The following FXYD3 variants were observed in gnomAD, a reference collection of about 807,000 sequenced individuals.
FXYD3 encodes the protein FXYD domain-containing ion transport regulator 3.
Under a neutral mutation model 19.2 loss-of-function variants are expected in FXYD3, and 13 were observed. The ratio of observed to expected loss-of-function variants is 0.68; its 90% CI spans 0.44 to 1.08. FXYD3 has a LOEUF of 1.08. FXYD3 is among the 50% of genes least tolerant of loss of function. FXYD3 has a pLI of 0.00. For synonymous variants in FXYD3, 48 were observed against 38.9 expected (o/e 1.23, Z -0.87); for missense variants, 101 against 109.4 (o/e 0.92, Z 0.34).
At position 35,123,468 on chromosome 19, in the gene FXYD3, C is replaced by G. The variant is rs370549538; in HGVS notation, c.*11C>G. 3 of 1,613,862 alleles carry G rather than the reference C, an allele frequency of 1.9e-6. No homozygotes were observed. Among genetic ancestry groups the G allele is most frequent in the African/African-American group, 2.7e-5 (2 of 74,900 alleles). On this transcript the variant is annotated 3_prime_UTR_variant, in exon 9 of 9. Transcript: ENST00000604404. ...TCAGCCCAAAGCTGATGAGGACAGA[C>G]CAGCTGAAATTGGGTGGAGGACCGT... is the stretch of plus-strand genomic sequence containing the variant.
chr19:35,121,699 T>A, intron 5 of FXYD3: 1 of 265,878 alleles, frequency 3.8e-6, no homozygotes, highest in Non-Finnish European at 6.4e-6. Context: ...GCCTCAGACC[T>A]CTGCACCTGC....
intron 3 of FXYD3, 100 bp from the exon 4 acceptor site, chr19:35,120,978 A>G: frequency 7.8e-7 from 1 of 1,276,454 alleles, no homozygotes; most frequent in Non-Finnish European, 1.1e-6. Flanking sequence ...GTCCCGCAGG[A>G]GACCCTTTCC....
intron 8 of FXYD3, 48 bp downstream of exon 8, chr19:35,123,356 G>A: frequency 1.9e-6 from 3 of 1,610,900 alleles, no homozygotes; most frequent in Non-Finnish European, 2.5e-6. Context: ...AGTGGTGTGT[G>A]TGTGTGTGTG....
Position 35,123,431 on chromosome 19 carries a change from C to T in FXYD3, c.248-10C>T. ...CCACCCTCACAAACGGACCCCATCA[C>T]TTCCCGCAGGCTCAGCCCAAAGCTG... On this transcript the variant is annotated splice_polypyrimidine_tract_variant and intron_variant, in intron 8 of 8. Coordinates refer to ENST00000604404, the MANE Select transcript of FXYD3 (RefSeq NM_005971.4). The T allele has an allele frequency of 1.2e-6, 2 of 1,614,022 alleles. No individual in the cohort carries two copies. The highest frequency in any genetic ancestry group is 8.5e-7 in the Non-Finnish European group (1 of 1,179,952).
intron 3 of FXYD3, chr19:35,119,657 T>G (rs1056907398): frequency 2.2e-6 from 1 of 463,744 alleles, no homozygotes; most frequent in Non-Finnish European, 3.7e-6. Flanking sequence ...TTTTTTGGCT[T>G]TTTTTGTTTT....
At chr19:35,123,356 GTGTGTGTGTGTA>G in intron 8 of FXYD3, 48 bp downstream of exon 8, 1 of 1,610,898 alleles carries the variant, frequency 6.2e-7, no homozygotes, top group South Asian at 1.1e-5. Context: ...AGTGGTGTGT[GTGTGTGTGTGTA>G]TGTGTGTGTT....
chr19:35,122,723 G>A (rs904974930), intron 5 of FXYD3, 42 bp from the exon 6 acceptor site: 6 of 1,500,344 alleles, frequency 4.0e-6, no homozygotes, highest in Admixed American at 3.3e-5. Flanking sequence ...CAGATGGAGA[G>A]GACACAGGCT....
rs777406204 is a variant in FXYD3, at chr19:35,121,095, G to A, written c.58G>A (p.Ala20Thr). Residue 20 changes from alanine (A) to threonine (T), a missense_variant, in exon 4 of 9, where the codon GCC becomes ACC. By Grantham distance (58) the Ala-to-Thr change is moderately conservative (BLOSUM62 0). Transcript: ENST00000604404. ...VFLAGFPVLDANDLEDKNSPF... is the reference protein window; with the variant it reads ...VFLAGFPVLDTNDLEDKNSPF... ...CCCACTAGGCTTTCCTGTCCTGGAC[G>A]CCAATGACCTAGAAGGTGAGTCAGA... is the stretch of plus-strand genomic sequence containing the variant. 33 of 1,612,916 alleles carry A rather than the reference G, an allele frequency of 2.0e-5. No homozygotes were observed. Among genetic ancestry groups the A allele is most frequent in the Admixed American group, 1.0e-4 (6 of 60,002 alleles).
rs1436755487 is a variant in FXYD3, at chr19:35,123,622, T to A, written c.*165T>A. The A allele has an allele frequency of 7.3e-6, 5 of 682,998 alleles. No individual in the cohort carries two copies. The African/African-American group carries it at 9.1e-5, about 12-fold the overall frequency. The allele number at this position is 682,998 out of a possible 1,614,324, so 42.3% of individuals were successfully genotyped here. A position where few individuals can be genotyped will look rare whatever the true frequency, so the allele number is the denominator to read the frequency against. ...CTCGCAAGAGGGTCTCTTTGTTCAA[T>A]TTTTTTTAATCTAAAATGATTGTGC... On this transcript the variant is annotated 3_prime_UTR_variant, in exon 9 of 9. Coordinates refer to ENST00000604404, the MANE Select transcript of FXYD3 (RefSeq NM_005971.4).
intron 2 of FXYD3, 73 bp from the exon 3 acceptor site, chr19:35,119,290 G>C: frequency 6.2e-7 from 1 of 1,610,410 alleles, no homozygotes; most frequent in Non-Finnish European, 8.5e-7. Flanking sequence ...GGGGAGGAGG[G>C]TTGGGGAGCC....
rs748300657 is a variant in FXYD3 at position 35,121,233 on chromosome 19, C to A, written c.85C>A (p.Pro29Thr). 6.2e-7 allele frequency: 1 copy of A among 1,613,956 alleles called. No individual in the cohort carries two copies. Among genetic ancestry groups the A allele is most frequent in the Admixed American group, 1.7e-5 (1 of 60,014 alleles). ...DANDLEDKNS[P>T]FYYDWHSLQV... is the part of the protein sequence containing the mutation. ...TTCTTTCCTTGCAGATAAAAACAGT[C>A]CTTTCTACTATGGTGAGAGCCCGTG... is the stretch of plus-strand genomic sequence containing the variant. Residue 29 changes from proline to threonine, a missense_variant, in exon 5 of 9, where the codon CCT becomes ACT. Physicochemically the swap from Pro to Thr is conservative, Grantham distance 38. Transcript: ENST00000604404.
chr19:35,121,672 C>CAGCAGACATACT (rs2065047416), intron 5 of FXYD3: 2 of 459,140 alleles, frequency 4.4e-6, no homozygotes, highest in Admixed American at 4.9e-5. Flanking sequence ...CTCTCAGACA[C>CAGCAGACATACT]AGCAGACATA....
At chr19:35,120,772 G>T (rs541567240) in intron 3 of FXYD3, among the ~76,000 whole-genome samples, 2 of 152,200 alleles carry the variant, frequency 1.3e-5, no homozygotes, top group African/African-American at 4.8e-5. Flanking sequence ...AAAGTCCCCC[G>T]CTGCTGCAGG....
intron 3 of FXYD3, among the ~76,000 whole-genome samples, chr19:35,120,347 C>T (rs994964004): frequency 1.3e-5 from 2 of 152,104 alleles, no homozygotes; most frequent in Non-Finnish European, 2.9e-5. Context: ...ACCATATTGG[C>T]CAGGCTGGTC....
rs1166687525 is a variant in FXYD3, at chr19:35,123,963, A to C, written c.*506A>C. On this transcript the variant is annotated 3_prime_UTR_variant, in exon 9 of 9. Coordinates refer to ENST00000604404, the MANE Select transcript of FXYD3 (RefSeq NM_005971.4). ...CATTCCAGGAAAACTGGGACATAGG[A>C]TCGTCCCGCTATGATGGAAGTGTTC... is the stretch of plus-strand genomic sequence containing the variant. 1 of 172,364 alleles carries C rather than the reference A, an allele frequency of 5.8e-6. No homozygotes were observed. Among genetic ancestry groups the C allele is most frequent in the Non-Finnish European group, 1.3e-5 (1 of 78,928 alleles). 10.7% of individuals were successfully genotyped at this position (172,364 alleles called of 1,614,324 possible). A position where few individuals can be genotyped will look rare whatever the true frequency, so the allele number is the denominator to read the frequency against.
intron 2 of FXYD3, chr19:35,117,489 T>C (rs764177352): frequency 1.1e-5 from 11 of 1,014,738 alleles, no homozygotes; most frequent in Non-Finnish European, 1.5e-5. Context: ...TGCATTAAGC[T>C]GCAGAGATTG....
chr19:35,116,998 T>A, intron 2 of FXYD3: 1 of 985,086 alleles, frequency 1.0e-6, no homozygotes, highest in Non-Finnish European at 1.2e-6. Flanking sequence ...TATGGAGGAA[T>A]AGAGGGGATA....
At chr19:35,119,583 C>G in intron 3 of FXYD3, 167 bp downstream of exon 3, 1 of 611,774 alleles carries the variant, frequency 1.6e-6, no homozygotes, top group East Asian at 2.8e-5. Flanking sequence ...CGGGGATACA[C>G]GAGAAGAGCT....
In FXYD3 at chr19:35,124,260, C is replaced by T. The variant is rs1350317929; in HGVS notation, c.*803C>T. 2.0e-5 allele frequency: 3 copies of T among 152,298 alleles called. No homozygotes were observed. 9.4% of individuals were successfully genotyped at this position (152,298 alleles called of 1,614,324 possible). A position where few individuals can be genotyped will look rare whatever the true frequency, so the allele number is the denominator to read the frequency against. Reference sequence around the variant, plus strand: ...AAACTCAAAACACCCAAAAATATCTCCTCCAATGTCCTGAAACATGAACCC... The same window carrying T: ...AAACTCAAAACACCCAAAAATATCTTCTCCAATGTCCTGAAACATGAACCC... On this transcript the variant is annotated 3_prime_UTR_variant, in exon 9 of 9. Coordinates refer to ENST00000604404, the MANE Select transcript of FXYD3 (RefSeq NM_005971.4).
Sources: gnomAD v4.1 joint callset for allele counts (sites outside exome capture counted in the v4.1 genomes callset) on GRCh38, gnomAD v4.1.1 for gene constraint, MANE v1.5 for transcripts, NCBI Gene and HGNC (gene_info 2026-07-23, HGNC 2026-07-21) for gene names.